The following NAV3 variants were observed in gnomAD, a reference collection of about 807,000 sequenced individuals.
NAV3 encodes neuron navigator 3, also known as pore membrane and/or filament interacting like protein 1.
A neutral mutation model predicts 244.7 loss-of-function variants in NAV3; 87 were observed. The observed-to-expected ratio is 0.36, with a 90% CI of 0.30 to 0.42. NAV3 has a LOEUF of 0.42. NAV3 is among the 20% of genes least tolerant of loss of function. The pLI is 1.00. For synonymous variants in NAV3, 1,126 were observed against 1,042.2 expected (o/e 1.08, Z -1.55); for missense variants, 2,663 against 2,893.3 (o/e 0.92, Z 1.83).
At chr12:77,733,063 A>AT (rs148174734) in intron 2 of NAV3, among the ~76,000 whole-genome samples, 8 of 151,826 alleles carry the variant, frequency 5.3e-5, no homozygotes, top group African/African-American at 7.3e-5. Context: ...AATATGATTG[A>AT]TTTTTTTTCC....
At chr12:77,998,245 C>A in intron 6 of NAV3, 92 bp from the exon 7 acceptor site, 1 of 904,972 alleles carries the variant, frequency 1.1e-6, no homozygotes, top group Non-Finnish European at 1.6e-6. Context: ...TTTAGAACAT[C>A]ATATGTTGTA....
chr12:78,039,995 C>T (rs770116), intron 9 of NAV3, among the ~76,000 whole-genome samples: 47,419 of 151,860 alleles, frequency 0.31, 8,032 homozygotes, highest in African/African-American at 0.45. Flanking sequence ...GCATTTCTCA[C>T]GTGCATTTTT....
At chr12:78,032,233 A>G (rs1197697169) in intron 9 of NAV3, among the ~76,000 whole-genome samples, 1 of 152,214 alleles carries the variant, frequency 6.6e-6, no homozygotes, top group Non-Finnish European at 1.5e-5. Context: ...AGCAAACTTG[A>G]GTGGTTCACA....
chr12:77,913,248 T>C (rs529769308), intron 1 of NAV3, among the ~76,000 whole-genome samples: 1 of 152,220 alleles, frequency 6.6e-6, no homozygotes, highest in South Asian at 2.1e-4. Flanking sequence ...GAATAATGCC[T>C]AGTACATGGT....
At chr12:78,132,466 T>A (rs867034138) in intron 18 of NAV3, among the ~76,000 whole-genome samples, 18 of 152,164 alleles carry the variant, frequency 1.2e-4, no homozygotes, top group African/African-American at 4.3e-4. Flanking sequence ...GCCCTCTTGA[T>A]TCTCTTCATA....
intron 2 of NAV3, among the ~76,000 whole-genome samples, chr12:77,723,107 A>T (rs1406160428): frequency 6.6e-6 from 1 of 152,010 alleles, no homozygotes; most frequent in Non-Finnish European, 1.5e-5. Context: ...ATATGTTTAT[A>T]GTGTCTCTAT....
intron 23 of NAV3, among the ~76,000 whole-genome samples, chr12:78,166,598 T>C (rs1215509592): frequency 6.6e-6 from 1 of 151,832 alleles, no homozygotes; most frequent in African/African-American, 2.4e-5. Flanking sequence ...TTGTGCCACA[T>C]TGAGTAACAA....
intron 7 of NAV3, 45 bp downstream of exon 7, chr12:77,998,521 T>C (rs1566001671): frequency 6.5e-7 from 1 of 1,548,586 alleles, no homozygotes; most frequent in East Asian, 2.3e-5. Flanking sequence ...AACATGAGTC[T>C]TGTGAATTGC....
intron 30 of NAV3, among the ~76,000 whole-genome samples, chr12:78,183,816 G>C (rs1958597860): frequency 6.6e-6 from 1 of 151,808 alleles, no homozygotes; most frequent in African/African-American, 2.4e-5. Context: ...TGTGTGATTT[G>C]GTCCATACTT....
chr12:77,679,506 C>CAT (rs960476968), intron 2 of NAV3, among the ~76,000 whole-genome samples: 9 of 151,500 alleles, frequency 5.9e-5, no homozygotes, highest in Admixed American at 4.6e-4. Context: ...GGGGTACATA[C>CAT]ATAAGTCTGG....
intron 1 of NAV3, among the ~76,000 whole-genome samples, chr12:77,881,097 C>G (rs1882584467): frequency 6.6e-6 from 1 of 152,194 alleles, no homozygotes. Context: ...ATGACTGTGT[C>G]TGTAAGGCAG....
chr12:77,748,724 A>G (rs1324068331), intron 2 of NAV3, among the ~76,000 whole-genome samples: 1 of 152,130 alleles, frequency 6.6e-6, no homozygotes, highest in African/African-American at 2.4e-5. Flanking sequence ...ACCAGGGCCT[A>G]GGGCTTGGGG....
intron 11 of NAV3, among the ~76,000 whole-genome samples, chr12:78,052,373 G>T (rs537029497): frequency 1.3e-5 from 2 of 152,262 alleles, no homozygotes; most frequent in African/African-American, 2.4e-5. Context: ...ATAGGTTGTT[G>T]TTCAGTTGCC....
At chr12:77,890,367 C>G (rs2136735189) in intron 1 of NAV3, among the ~76,000 whole-genome samples, 1 of 152,248 alleles carries the variant, frequency 6.6e-6, no homozygotes, top group Non-Finnish European at 1.5e-5. Context: ...CCCCTCACCT[C>G]TGCCTCCCAA....
intron 31 of NAV3, 69 bp downstream of exon 31, chr12:78,185,767 T>G (rs1161353925): frequency 1.5e-6 from 2 of 1,298,346 alleles, no homozygotes; most frequent in Non-Finnish European, 2.2e-6. Flanking sequence ...GTATTTTATG[T>G]GTGAATATTT....
chr12:78,141,081 A>T (rs1956590656), intron 20 of NAV3, among the ~76,000 whole-genome samples: 1 of 151,914 alleles, frequency 6.6e-6, no homozygotes, highest in Non-Finnish European at 1.5e-5. Flanking sequence ...TTTAGAGACA[A>T]GGTCATTGCT....
At chr12:78,118,616 T>C (rs1341743992) in intron 14 of NAV3, among the ~76,000 whole-genome samples, 1 of 152,208 alleles carries the variant, frequency 6.6e-6, no homozygotes, top group Non-Finnish European at 1.5e-5. Flanking sequence ...TTTTTTTGTT[T>C]TTGTTCTGCG....
At chr12:77,626,545 A>C (rs1360858240) in intron 2 of NAV3, among the ~76,000 whole-genome samples, 1 of 152,286 alleles carries the variant, frequency 6.6e-6, no homozygotes, top group South Asian at 2.1e-4. Context: ...AAAAACAGCA[A>C]GAAAAAAAGC....
rs903104032 is a variant in NAV3 at position 78,077,637 on chromosome 12, T to G, written c.2636+18522T>G. On this transcript the variant is annotated intron_variant, in intron 12 of 39. Coordinates refer to ENST00000397909, the MANE Select transcript of NAV3 (RefSeq NM_001024383.2). ...ACAAAGTACTACAGATTGGGTGGCT[T>G]AAGCAACAGAAACATATTGTCCAGG... Among the ~76,000 whole-genome samples, 3 of 152,150 alleles carry G rather than the reference T, an allele frequency of 2.0e-5. 1 individual carries two copies. Among genetic ancestry groups the G allele is most frequent in the South Asian group, 4.1e-4 (2 of 4,820 alleles).
Sources: allele counts gnomAD v4.1 joint callset (sites outside exome capture counted in the v4.1 genomes callset), GRCh38; gene constraint gnomAD v4.1.1; transcripts MANE v1.5; gene names NCBI Gene and HGNC (gene_info 2026-07-23, HGNC 2026-07-21).